MMRN1: variants seen among roughly 807,000 people sequenced by gnomAD.
The protein encoded by MMRN1 is multimerin-1.
Under a neutral mutation model 100.7 loss-of-function variants are expected in MMRN1, and 94 were observed. The observed-to-expected ratio is 0.93, with a 90% CI of 0.79 to 1.11. The LOEUF (loss-of-function observed/expected upper bound fraction) is 1.11, where lower values mean the gene tolerates loss of function less well. MMRN1 is among the 50% of genes least tolerant of loss of function. The probability of loss-of-function intolerance (pLI) is 0.00; values close to 1 mark genes in which losing one functional copy is unlikely to be tolerated. For missense variants in MMRN1, 1,606 were observed against 1,439.1 expected (o/e 1.12, Z -1.88); for synonymous variants, 575 against 505.0 (o/e 1.14, Z -1.86).
intron 6 of MMRN1, among the ~76,000 whole-genome samples, chr4:89,938,904 T>A (rs1029575544): frequency 1.3e-5 from 2 of 152,034 alleles, no homozygotes; most frequent in African/African-American, 4.8e-5. Flanking sequence ...AATTCCCACG[T>A]GCAAGGTAGA....
At chr4:89,942,289 G>C (rs544598640) in intron 6 of MMRN1, among the ~76,000 whole-genome samples, 2 of 152,036 alleles carry the variant, frequency 1.3e-5, no homozygotes, top group Admixed American at 1.3e-4. Flanking sequence ...TAAATTAAAT[G>C]CAATAAACAT....
At chr4:89,916,942 T>C (rs1721940568) in intron 3 of MMRN1, among the ~76,000 whole-genome samples, 1 of 151,796 alleles carries the variant, frequency 6.6e-6, no homozygotes, top group African/African-American at 2.4e-5. Flanking sequence ...CTTGACACTT[T>C]ACCTCTCACC....
At chr4:89,913,698 G>A (rs1011513391) in intron 3 of MMRN1, among the ~76,000 whole-genome samples, 1 of 151,148 alleles carries the variant, frequency 6.6e-6, no homozygotes, top group African/African-American at 2.4e-5. Context: ...CTGTGGATAG[G>A]TTTTATACTA....
At chr4:89,950,751 G>T (rs1723139604) in intron 6 of MMRN1, among the ~76,000 whole-genome samples, 1 of 151,934 alleles carries the variant, frequency 6.6e-6, no homozygotes, top group African/African-American at 2.4e-5. Context: ...TAGAGATGGG[G>T]TATCACTATG....
intron 1 of MMRN1, among the ~76,000 whole-genome samples, chr4:89,907,843 T>G (rs1187006030): frequency 1.4e-5 from 2 of 147,508 alleles, no homozygotes; most frequent in Admixed American, 1.4e-4. Context: ...TTTTTTTTTC[T>G]ATTTACTGGA....
At chr4:89,931,778 C>A (rs1261540244) in intron 5 of MMRN1, among the ~76,000 whole-genome samples, 1 of 152,136 alleles carries the variant, frequency 6.6e-6, no homozygotes, top group Admixed American at 6.5e-5. Context: ...AAAAATCCCT[C>A]CCCATGATTC....
chr4:89,935,553 C>G lies in MMRN1; in HGVS notation c.1873C>G (p.Leu625Val). ...GTTAAATCAAACATTGGCTGAAGTT[C>G]TCTTTCCAATGGACAATAAGATGGA... ...HVLNQTLAEV[L>V]FPMDNKMDKM... is the part of the protein sequence containing the mutation. The change falls in exon 6 of 8, where the codon CTC (leucine) becomes GTC (valine). Residue 625 changes from leucine to valine, a missense_variant. Physicochemically the swap from Leu to Val is conservative, Grantham distance 32 (BLOSUM62 1). Transcript: ENST00000264790. 1.9e-6 allele frequency: 3 copies of G among 1,613,222 alleles called. No individual in the cohort carries two copies. The highest frequency in any genetic ancestry group is 2.5e-6 in the Non-Finnish European group (3 of 1,179,676).
rs577920983 is a variant in MMRN1, at chr4:89,950,882, AT to A, written c.3119-713del. 5.1e-4 allele frequency among the ~76,000 whole-genome samples: 77 copies of A among 149,540 alleles called. 1 individual carries two copies. The highest frequency in any genetic ancestry group is 3.0e-3 in the East Asian group (15 of 5,084). On this transcript the variant is annotated intron_variant, in intron 6 of 7. Coordinates refer to ENST00000264790, the MANE Select transcript of MMRN1 (RefSeq NM_007351.3). ...CCTCATTTTCCATTTTTAAGGGAGA[AT>A]TTTTTTTTTCTTTTCAGAGTTTTTC...
intron 3 of MMRN1, among the ~76,000 whole-genome samples, chr4:89,913,873 A>G (rs1054850613): frequency 1.3e-5 from 2 of 151,422 alleles, no homozygotes; most frequent in Non-Finnish European, 3.0e-5. Context: ...TACAATGGGA[A>G]TAATGTTCCA....
At chr4:89,933,983 A>C (rs1722524853) in intron 5 of MMRN1, among the ~76,000 whole-genome samples, 1 of 151,936 alleles carries the variant, frequency 6.6e-6, no homozygotes, top group Admixed American at 6.6e-5. Flanking sequence ...ATAGTTATGA[A>C]TATTAATAGT....
intron 1 of MMRN1, among the ~76,000 whole-genome samples, chr4:89,903,557 T>A (rs894570686): frequency 1.3e-5 from 2 of 151,844 alleles, no homozygotes; most frequent in Admixed American, 6.6e-5. Flanking sequence ...GGCCATATTA[T>A]ATATATCCTC....
chr4:89,923,255 A>C lies in MMRN1; in HGVS notation c.938A>C (p.Gln313Pro). The C allele has an allele frequency of 6.2e-7, 1 of 1,613,922 alleles. No individual in the cohort carries two copies. Among genetic ancestry groups the C allele is most frequent in the Non-Finnish European group, 8.5e-7 (1 of 1,179,794 alleles). ...GGAGTAGCTGAGCAGCAGCAGCAGC[A>C]AGGCTGTGGTGACCCAGGTCATAGA... ...GRGVAEQQQQ[Q>P]GCGDPEVMQK... is the part of the protein sequence containing the mutation. The change falls in exon 4 of 8, where the codon CAA becomes CCA. Residue 313 changes from glutamine (Q) to proline (P), a missense_variant. Gln to Pro is a moderately conservative substitution (Grantham distance 76). Transcript: ENST00000264790.
At chr4:89,904,927 A>G (rs985522892) in intron 1 of MMRN1, among the ~76,000 whole-genome samples, 2 of 151,712 alleles carry the variant, frequency 1.3e-5, no homozygotes, top group Non-Finnish European at 3.0e-5. Flanking sequence ...CAATAAAAAT[A>G]GGTTTGTTAA....
At chr4:89,903,491 T>A (rs1188980190) in intron 1 of MMRN1, among the ~76,000 whole-genome samples, 4 of 151,782 alleles carry the variant, frequency 2.6e-5, no homozygotes, top group African/African-American at 9.7e-5. Context: ...TATCAGGTCA[T>A]TAAAGAAGCA....
At chr4:89,919,902 T>C (rs1028662968) in intron 3 of MMRN1, among the ~76,000 whole-genome samples, 1 of 152,118 alleles carries the variant, frequency 6.6e-6, no homozygotes, top group East Asian at 1.9e-4. Flanking sequence ...CATCAAACTA[T>C]TCAGAAGTTG....
intron 2 of MMRN1, 145 bp downstream of exon 2, chr4:89,909,540 G>A (rs1385282882): frequency 2.9e-5 from 30 of 1,032,096 alleles, no homozygotes; most frequent in Non-Finnish European, 4.0e-5. Flanking sequence ...AAGTGAAAAT[G>A]CAGACACTAA....
Position 89,936,136 on chromosome 4 carries a change from A to G in MMRN1, c.2456A>G (p.Asn819Ser), listed in dbSNP as rs867525694. 4.3e-6 allele frequency: 7 copies of G among 1,612,600 alleles called. No homozygotes were observed. Among genetic ancestry groups the G allele is most frequent in the Non-Finnish European group, 5.9e-6 (7 of 1,179,592 alleles). Residue 819 changes from asparagine to serine, a missense_variant, in exon 6 of 8, where the codon AAC becomes AGC. By Grantham distance (46) the Asn-to-Ser change is conservative. Transcript: ENST00000264790. ...IPRDEKLNQS[N>S]FQKMYQMFNE... ...AGAGATGAGAAACTAAATCAGTCCAACTTCCAAAAGATGTATCAAATGTTC... is the reference window on the plus strand; with the variant it reads ...AGAGATGAGAAACTAAATCAGTCCAGCTTCCAAAAGATGTATCAAATGTTC...
chr4:89,889,615 C>G (rs929090614), intron 1 of MMRN1, among the ~76,000 whole-genome samples: 1 of 152,060 alleles, frequency 6.6e-6, no homozygotes, highest in African/African-American at 2.4e-5. Context: ...TCACTGTATT[C>G]CCGAGTGCAG....
chr4:89,928,291 T>A lies in MMRN1; in HGVS notation c.1129+323T>A, dbSNP rs571962844. On this transcript the variant is annotated intron_variant, in intron 5 of 7. Transcript: ENST00000264790. ...TCCATTGTGTTATCTACTTCAAGAATAAAAACGCAGTTAGGGGATCAAGAT... is the reference window on the plus strand; with the variant it reads ...TCCATTGTGTTATCTACTTCAAGAAAAAAAACGCAGTTAGGGGATCAAGAT... Among the ~76,000 whole-genome samples the A allele has an allele frequency of 6.0e-4, 91 of 152,204 alleles. No homozygotes were observed. In the East Asian group the frequency reaches 0.013, roughly 22 times the overall value.
Sources: gnomAD v4.1 joint callset for allele counts (sites outside exome capture counted in the v4.1 genomes callset) on GRCh38, gnomAD v4.1.1 for gene constraint, MANE v1.5 for transcripts, NCBI Gene and HGNC (gene_info 2026-07-23, HGNC 2026-07-21) for gene names.